The following PCGF6 variants were observed in gnomAD, a reference collection of about 807,000 sequenced individuals.
PCGF6 encodes polycomb group RING finger protein 6.
Under a neutral mutation model 45.5 loss-of-function variants are expected in PCGF6, and 24 were observed. The ratio of observed to expected loss-of-function variants is 0.53; its 90% CI spans 0.38 to 0.74. The LOEUF is 0.74. Among genes scored for constraint, PCGF6 ranks in the 30% least tolerant of loss-of-function variants. The pLI, the probability that PCGF6 is intolerant of heterozygous loss-of-function variation, is 0.00. For missense variants in PCGF6, 356 were observed against 443.2 expected, an observed-to-expected ratio of 0.80 and a Z score of 1.77; for synonymous variants, 152 against 162.1, an observed-to-expected ratio of 0.94 and a Z score of 0.47.
intron 6 of PCGF6, among the ~76,000 whole-genome samples, chr10:103,338,309 C>A (rs983999951): frequency 9.9e-5 from 15 of 151,198 alleles, no homozygotes; most frequent in African/African-American, 2.4e-4. Context: ...TTTAGGAGGC[C>A]AAGGCAGGCA....
chr10:103,347,514 A>G (rs1227655068), intron 3 of PCGF6, 64 bp from the exon 4 acceptor site: 2 of 1,351,358 alleles, frequency 1.5e-6, no homozygotes, highest in Admixed American at 2.0e-5. Flanking sequence ...GTACAGAGTG[A>G]GTTAATTGTG....
chr10:103,343,668 A>G (rs993652320), intron 6 of PCGF6, among the ~76,000 whole-genome samples: 33 of 151,994 alleles, frequency 2.2e-4, no homozygotes, highest in African/African-American at 7.5e-4. Flanking sequence ...CCCTGTCTCT[A>G]CTAAAACTAC....
chr10:103,318,128 T>G (rs906504447), intron 8 of PCGF6, among the ~76,000 whole-genome samples: 1 of 151,516 alleles, frequency 6.6e-6, no homozygotes. Context: ...GGTTTTTCTG[T>G]TATTCATTTT....
chr10:103,322,361 G>C (rs1436811023), intron 8 of PCGF6, among the ~76,000 whole-genome samples: 1 of 152,010 alleles, frequency 6.6e-6, no homozygotes, highest in Non-Finnish European at 1.5e-5. Flanking sequence ...GCTTAATTTT[G>C]TGTGCAGCTA....
At chr10:103,347,828 C>T (rs563530517) in intron 3 of PCGF6, among the ~76,000 whole-genome samples, 70 of 152,102 alleles carry the variant, frequency 4.6e-4, no homozygotes, top group Non-Finnish European at 9.3e-4. Flanking sequence ...ATAGCTGGGA[C>T]TAAAGGCGCG....
intron 7 of PCGF6, among the ~76,000 whole-genome samples, chr10:103,329,053 C>CTTTTTTTGTTTGTTTTTTGT (rs1393134098): frequency 2.0e-5 from 2 of 97,758 alleles, no homozygotes; most frequent in African/African-American, 4.0e-5. Context: ...CGGATTTTAA[C>CTTTTTTTGTTTGTTTTTTGT]TTTTGAGATG....
At chr10:103,307,292 A>C (rs1254733172) in intron 9 of PCGF6, among the ~76,000 whole-genome samples, 2 of 151,580 alleles carry the variant, frequency 1.3e-5, no homozygotes, top group Admixed American at 1.3e-4. Flanking sequence ...AAAAATAAAA[A>C]AATTAGCCAG....
intron 6 of PCGF6, among the ~76,000 whole-genome samples, chr10:103,338,050 C>G (rs1463143987): frequency 2.8e-5 from 1 of 36,166 alleles, no homozygotes; most frequent in Non-Finnish European, 5.6e-5. Context: ...GGTGACAGAG[C>G]GAGACTCCGT....
intron 6 of PCGF6, among the ~76,000 whole-genome samples, chr10:103,338,385 AC>A (rs1469169109): frequency 1.8e-4 from 28 of 151,622 alleles, no homozygotes; most frequent in Admixed American, 1.6e-3. Context: ...CTACAAAAAA[AC>A]AAAAAAAAAT....
intron 7 of PCGF6, among the ~76,000 whole-genome samples, chr10:103,329,512 T>C (rs1452216133): frequency 3.3e-5 from 5 of 151,612 alleles, no homozygotes; most frequent in African/African-American, 9.7e-5. Context: ...AGTTTTGCTC[T>C]TGTTGCCCAG....
intron 6 of PCGF6, among the ~76,000 whole-genome samples, chr10:103,336,783 G>C (rs1350128620): frequency 6.6e-6 from 1 of 152,164 alleles, no homozygotes; most frequent in Non-Finnish European, 1.5e-5. Context: ...GCTGAGGCAG[G>C]AGAATCACTT....
At chr10:103,315,103 T>C (rs2093170084) in intron 8 of PCGF6, among the ~76,000 whole-genome samples, 1 of 152,128 alleles carries the variant, frequency 6.6e-6, no homozygotes, top group Non-Finnish European at 1.5e-5. Context: ...TGACTTGAAG[T>C]TCACACTAAG....
At chr10:103,304,826 G>C (rs1451591895) in intron 9 of PCGF6, among the ~76,000 whole-genome samples, 1 of 151,872 alleles carries the variant, frequency 6.6e-6, no homozygotes, top group Non-Finnish European at 1.5e-5. Flanking sequence ...ACTCATTTTT[G>C]TATTTTTTGT....
rs1055811576 is a variant in PCGF6, at chr10:103,333,940, G to A, written c.795C>T (p.Gly265=). Residue 265 remains glycine, a synonymous_variant, in exon 7 of 10, where the codon GGC becomes GGT. Coordinates refer to ENST00000369847, the MANE Select transcript of PCGF6 (RefSeq NM_001011663.2). ...AGTAAAATACCTTAAAATGTCCCGT[G>A]CCTTCATTAGCACTGAAAAATGAGA... ...LLLEFIGANE[G]TGHFKPLEKK... The A allele has an allele frequency of 9.0e-6, 14 of 1,552,048 alleles. No homozygotes were observed. Among genetic ancestry groups the A allele is most frequent in the African/African-American group, 1.4e-5 (1 of 71,566 alleles).
chr10:103,305,365 G>C (rs1259586135), intron 9 of PCGF6, among the ~76,000 whole-genome samples: 1 of 151,938 alleles, frequency 6.6e-6, no homozygotes, highest in Non-Finnish European at 1.5e-5. Context: ...CCGCCTCCCG[G>C]GTTCAAGCGA....
chr10:103,305,897 T>A (rs1212860997), intron 9 of PCGF6, among the ~76,000 whole-genome samples: 22 of 137,044 alleles, frequency 1.6e-4, no homozygotes, highest in South Asian at 4.6e-4. Flanking sequence ...TTATATAATT[T>A]AAAAAAAAAA....
Position 103,324,714 on chromosome 10 carries a change from C to T in PCGF6, c.909+1820G>A, listed in dbSNP as rs560766053. 8.8e-5 allele frequency among the ~76,000 whole-genome samples: 13 copies of T among 147,366 alleles called. No homozygotes were observed. In the South Asian group the frequency reaches 2.4e-3, roughly 27 times the overall value. The stretch of plus-strand genomic sequence containing the variant: ...GGCGGAGGTTGCAGTGAGCCGGGAC[C>T]GCCCCACTGCACTCCAGCCTGGGCA... On this transcript the variant is annotated intron_variant, in intron 8 of 9. Coordinates refer to ENST00000369847, the MANE Select transcript of PCGF6 (RefSeq NM_001011663.2).
chr10:103,329,168 T>G (rs1182415629), intron 7 of PCGF6, among the ~76,000 whole-genome samples: 3 of 152,128 alleles, frequency 2.0e-5, no homozygotes, highest in Non-Finnish European at 4.4e-5. Flanking sequence ...GCCTCCCAAG[T>G]AGCTGGGACT....
chr10:103,338,217 GACA>G (rs1314600705), intron 6 of PCGF6, among the ~76,000 whole-genome samples: 1 of 151,780 alleles, frequency 6.6e-6, no homozygotes, highest in African/African-American at 2.4e-5. Context: ...CTCCAGCCTT[GACA>G]ACAAGAGAAA....
Sources: gnomAD v4.1 joint callset for allele counts (sites outside exome capture counted in the v4.1 genomes callset) on GRCh38, gnomAD v4.1.1 for gene constraint, MANE v1.5 for transcripts, NCBI Gene and HGNC (gene_info 2026-07-23, HGNC 2026-07-21) for gene names.